The following ABCA13 variants were observed in gnomAD, a reference collection of about 807,000 sequenced individuals.
The protein encoded by ABCA13 is ATP-binding cassette sub-family A member 13.
Under a neutral mutation model 478.7 loss-of-function variants are expected in ABCA13, and 476 were observed. The observed-to-expected ratio is 0.99, with a 90% CI of 0.92 to 1.07. The LOEUF (loss-of-function observed/expected upper bound fraction) is 1.07. Among genes scored for constraint, ABCA13 ranks in the 50% least tolerant of loss-of-function variants. ABCA13 has a pLI of 0.00. For synonymous variants in ABCA13, 2,252 were observed against 2,158.9 expected (o/e 1.04, Z -1.20); for missense variants, 6,060 against 5,910.6 (o/e 1.03, Z -0.83).
At position 48,310,110 on chromosome 7, in the gene ABCA13, G is replaced by A. The variant is rs369327461; in HGVS notation, c.9485G>A (p.Arg3162Gln). The A allele has an allele frequency of 1.2e-5, 19 of 1,612,638 alleles. No homozygotes were observed. Among genetic ancestry groups the A allele is most frequent in the African/African-American group, 4.0e-5 (3 of 74,908 alleles). The part of the protein sequence containing the change: ...KVYSLIVLLS[R>Q]NLDVRAFIYK... ...TATTCTCTGATTGTGTTGCTGAGTC[G>A]AAACTTGGATGTGCGAGCTTTCATT... is the stretch of plus-strand genomic sequence containing the variant. Residue 3162 changes from arginine to glutamine, a missense_variant, in exon 24 of 62, where the codon CGA (arginine) becomes CAA (glutamine). Physicochemically the swap from Arg to Gln is conservative, Grantham distance 43. Transcript: ENST00000435803.
intron 44 of ABCA13, among the ~76,000 whole-genome samples, chr7:48,468,812 T>C (rs1260614343): frequency 6.6e-6 from 1 of 152,218 alleles, no homozygotes; most frequent in African/African-American, 2.4e-5. Context: ...AATGGTGCTA[T>C]GTTGAACTTC....
chr7:48,465,818 AC>A (rs1480965342), intron 43 of ABCA13, among the ~76,000 whole-genome samples: 2 of 149,406 alleles, frequency 1.3e-5, no homozygotes, highest in Non-Finnish European at 3.0e-5. Context: ...GTACCTATTA[AC>A]CAACCTCTTT....
chr7:48,275,297 CT>C lies in ABCA13; in HGVS notation c.5632del (p.Ser1878ProfsTer5). 1 of 1,613,882 alleles carries C rather than the reference CT, an allele frequency of 6.2e-7. No individual in the cohort carries two copies. Among genetic ancestry groups the C allele is most frequent in the Non-Finnish European group, 8.5e-7 (1 of 1,179,860 alleles). On this transcript the variant is annotated frameshift_variant, in exon 17 of 62. Transcript: ENST00000435803. LOFTEE classifies it high-confidence loss of function. ...GEDSPCSNES[S>X]RMEITRKVVC... ...AAGATTCACCATGTTCAAATGAAAG[CT>C]CCCGAATGGAAATAACTAGGAAAGT...
chr7:48,272,858 C>A lies in ABCA13; in HGVS notation c.3192C>A (p.Gly1064=). 3 of 1,607,358 alleles carry A rather than the reference C, an allele frequency of 1.9e-6. No homozygotes were observed. The highest frequency in any genetic ancestry group is 2.6e-6 in the Non-Finnish European group (3 of 1,176,024). The part of the protein sequence containing the change: ...ELEVIHTTLT[G]LKQLLIIDED... Reference sequence around the variant, plus strand: ...AAGTGATCCACACTACTTTGACAGGCCTCAAACAGCTGCTCATAATTGATG... The same window carrying A: ...AAGTGATCCACACTACTTTGACAGGACTCAAACAGCTGCTCATAATTGATG... The change falls in exon 17 of 62, where the codon GGC becomes GGA. Residue 1064 remains glycine, a synonymous_variant. Coordinates refer to ENST00000435803, the MANE Select transcript of ABCA13 (RefSeq NM_152701.5).
At chr7:48,344,140 C>A (rs6944815) in intron 29 of ABCA13, among the ~76,000 whole-genome samples, 94,199 of 152,006 alleles carry the variant, frequency 0.62, 29,445 homozygotes, top group Middle Eastern at 0.73. Context: ...TAGTTCTCAA[C>A]TGAGGATGAT....
At chr7:48,360,233 C>G (rs772284231) in intron 31 of ABCA13, among the ~76,000 whole-genome samples, 3 of 147,744 alleles carry the variant, frequency 2.0e-5, no homozygotes, top group Non-Finnish European at 4.5e-5. Context: ...TGTCCCCACT[C>G]TGTGTCCAAG....
In ABCA13 at chr7:48,268,436, G is replaced by A. The variant is rs1795152992; in HGVS notation, c.2006-544G>A. On this transcript the variant is annotated intron_variant, in intron 15 of 61. Coordinates refer to ENST00000435803, the MANE Select transcript of ABCA13 (RefSeq NM_152701.5). ...GGCCTCCCAAAGTGCTGGGATTACAGGCGTGAGCCACCACACCCGGACACC... is the reference window on the plus strand; with the variant it reads ...GGCCTCCCAAAGTGCTGGGATTACAAGCGTGAGCCACCACACCCGGACACC... Among the ~76,000 whole-genome samples, 3 of 152,162 alleles carry A rather than the reference G, an allele frequency of 2.0e-5. No homozygotes were observed. The South Asian group carries it at 6.2e-4, about 32-fold the overall frequency.
At chr7:48,611,179 A>T (rs900456233) in intron 58 of ABCA13, among the ~76,000 whole-genome samples, 6 of 152,176 alleles carry the variant, frequency 3.9e-5, no homozygotes, top group African/African-American at 1.4e-4. Context: ...AAACTGAACT[A>T]TGCTCCAGTT....
At chr7:48,262,358 C>G (rs1346038364) in intron 15 of ABCA13, among the ~76,000 whole-genome samples, 1 of 151,772 alleles carries the variant, frequency 6.6e-6, no homozygotes, top group Non-Finnish European at 1.5e-5. Flanking sequence ...TATCTAAACC[C>G]ATCTGCATAT....
At chr7:48,620,240 A>G (rs1011131764) in intron 59 of ABCA13, among the ~76,000 whole-genome samples, 4 of 79,358 alleles carry the variant, frequency 5.0e-5, no homozygotes, top group African/African-American at 2.2e-4. Flanking sequence ...TGTATTTAGT[A>G]ACAAAAAATC....
chr7:48,588,894 C>T (rs1238458548), intron 57 of ABCA13, among the ~76,000 whole-genome samples: 2 of 152,202 alleles, frequency 1.3e-5, no homozygotes, highest in Non-Finnish European at 2.9e-5. Flanking sequence ...GTAAATTACA[C>T]ATACAACTCT....
Position 48,273,875 on chromosome 7 carries a change from T to C in ABCA13, c.4209T>C (p.His1403=). 6.2e-7 allele frequency: 1 copy of C among 1,612,778 alleles called. No individual in the cohort carries two copies. ...GCIVWLDVIN[H]LYLLSNSSFS... ...TTGTATGGTTAGATGTCATAAACCA[T>C]TTGTATTTGTTGTCTAACTCCAGTT... Residue 1403 remains histidine (H), a synonymous_variant, in exon 17 of 62, where the codon CAT becomes CAC. Coordinates refer to ENST00000435803, the MANE Select transcript of ABCA13 (RefSeq NM_152701.5).
At chr7:48,413,930 G>A (rs183181541) in intron 41 of ABCA13, among the ~76,000 whole-genome samples, 1 of 152,304 alleles carries the variant, frequency 6.6e-6, no homozygotes, top group Admixed American at 6.5e-5. Context: ...TAAATGGTGA[G>A]CTCTACTTAG....
intron 39 of ABCA13, 29 bp from the exon 40 acceptor site, chr7:48,410,491 G>T (rs1278714556): frequency 6.2e-7 from 1 of 1,613,716 alleles, no homozygotes; most frequent in African/African-American, 1.3e-5. Flanking sequence ...TGTCCTCCTG[G>T]TGCTGATGCA....
At chr7:48,628,916 A>G (rs1352613996) in intron 59 of ABCA13, among the ~76,000 whole-genome samples, 2 of 152,270 alleles carry the variant, frequency 1.3e-5, no homozygotes, top group Non-Finnish European at 2.9e-5. Context: ...TCAAGCATTC[A>G]GCTTCTGCCT....
chr7:48,185,238 C>G (rs1169300274), intron 1 of ABCA13, among the ~76,000 whole-genome samples: 1 of 152,214 alleles, frequency 6.6e-6, no homozygotes, highest in African/African-American at 2.4e-5. Flanking sequence ...CAAATATGCA[C>G]AGCTCTGTTG....
intron 27 of ABCA13, among the ~76,000 whole-genome samples, chr7:48,325,273 G>A (rs1409886323): frequency 1.3e-5 from 2 of 152,138 alleles, no homozygotes; most frequent in African/African-American, 2.4e-5. Context: ...CTAGGTATAT[G>A]AGCCAAGGAC....
intron 43 of ABCA13, among the ~76,000 whole-genome samples, chr7:48,466,070 C>T (rs1278260278): frequency 2.0e-5 from 3 of 152,050 alleles, no homozygotes; most frequent in East Asian, 1.9e-4. Context: ...ATAAATAATG[C>T]AATGTAAGTT....
chr7:48,621,508 T>C (rs932232447), intron 59 of ABCA13, among the ~76,000 whole-genome samples: 1 of 152,156 alleles, frequency 6.6e-6, no homozygotes, highest in African/African-American at 2.4e-5. Flanking sequence ...AAAGAGGATA[T>C]GTGTGGTCCT....
Sources: allele counts gnomAD v4.1 joint callset (sites outside exome capture counted in the v4.1 genomes callset), GRCh38; gene constraint gnomAD v4.1.1; transcripts MANE v1.5; gene names NCBI Gene and HGNC (gene_info 2026-07-23, HGNC 2026-07-21).